Variants in TNIP3 observed in about 807,000 individuals in gnomAD.
TNIP3 encodes TNFAIP3 interacting protein 3.
TNIP3 carries 34 observed loss-of-function variants against 54.1 expected under a neutral mutation model. That is an observed-to-expected ratio of 0.63 (90% CI 0.48 to 0.84). The LOEUF (loss-of-function observed/expected upper bound fraction) is 0.84. Ranked by LOEUF, TNIP3 falls within the 40% of genes least tolerant of loss-of-function variation. The pLI, the probability that TNIP3 is intolerant of heterozygous loss-of-function variation, is 0.00. For missense variants in TNIP3, 366 were observed against 387.6 expected, an observed-to-expected ratio of 0.94 and a Z score of 0.47; for synonymous variants, 134 against 136.8, an observed-to-expected ratio of 0.98 and a Z score of 0.14.
At chr4:121,162,815 A>G (rs1730532486) in intron 1 of TNIP3, among the ~76,000 whole-genome samples, 1 of 152,144 alleles carries the variant, frequency 6.6e-6, no homozygotes. Context: ...GATTCATACT[A>G]AAGTTCAATA....
chr4:121,227,414 T>G (rs1302294565), exon 1 of TNIP3: 1 of 1,534,466 alleles, frequency 6.5e-7, no homozygotes, highest in Admixed American at 2.0e-5. Context: ...CCTTCTCAGA[T>G]CTAGGTAAGC....
upstream of TNIP3, among the ~76,000 whole-genome samples, chr4:121,217,643 G>A (rs146249785): frequency 2.6e-3 from 403 of 152,286 alleles, no homozygotes; most frequent in Non-Finnish European, 4.0e-3. Context: ...TATATGGAAC[G>A]CTGGAGATAT....
At chr4:121,187,792 CTA>C (rs1725100578) in intron 2 of TNIP3, among the ~76,000 whole-genome samples, 1 of 152,106 alleles carries the variant, frequency 6.6e-6, no homozygotes, top group South Asian at 2.1e-4. Context: ...AATATGTGTG[CTA>C]TGTGTTTATC....
In TNIP3 at chr4:121,132,529, G is replaced by A; in HGVS notation, c.*102C>T. 1 of 1,088,154 alleles carries A rather than the reference G, an allele frequency of 9.2e-7. No individual in the cohort carries two copies. The highest frequency in any genetic ancestry group is 1.4e-6 in the Non-Finnish European group (1 of 715,068). 67.4% of individuals were successfully genotyped at this position (1,088,154 alleles called of 1,614,324 possible). A position where few individuals can be genotyped will look rare whatever the true frequency, so the allele number is the denominator to read the frequency against. On this transcript the variant is annotated 3_prime_UTR_variant, in exon 11 of 11. Coordinates refer to ENST00000057513, the MANE Select transcript of TNIP3 (RefSeq NM_024873.6). ...ACCAGGCACAAATAACAGGGTAGAT[G>A]ATGTGCCTTTGTGGCAGAAACAAGC...
At chr4:121,172,790 C>T (rs1366484166) in intron 3 of TNIP3, among the ~76,000 whole-genome samples, 1 of 152,040 alleles carries the variant, frequency 6.6e-6, no homozygotes, top group Non-Finnish European at 1.5e-5. Flanking sequence ...TATAAATTGC[C>T]TGAGAAAACA....
chr4:121,213,596 G>A (rs1392600193), intron 2 of TNIP3, among the ~76,000 whole-genome samples: 8 of 151,674 alleles, frequency 5.3e-5, no homozygotes, highest in East Asian at 1.9e-4. Flanking sequence ...GCGTGGTGGC[G>A]GGCGCCTGTA....
At chr4:121,194,307 TAA>T (rs1240506584) in intron 2 of TNIP3, among the ~76,000 whole-genome samples, 1 of 152,230 alleles carries the variant, frequency 6.6e-6, no homozygotes, top group Non-Finnish European at 1.5e-5. Context: ...AATTTTTTGA[TAA>T]GTTTAAAATT....
chr4:121,152,343 C>G (rs1729811069), intron 5 of TNIP3, among the ~76,000 whole-genome samples: 2 of 152,108 alleles, frequency 1.3e-5, no homozygotes, highest in South Asian at 4.2e-4. Context: ...CAAAACCCAT[C>G]TTAAATAAGA....
At chr4:121,187,128 A>T (rs183346741) in intron 2 of TNIP3, among the ~76,000 whole-genome samples, 1 of 152,180 alleles carries the variant, frequency 6.6e-6, no homozygotes, top group African/African-American at 2.4e-5. Context: ...TCTTGAGATC[A>T]CTTAATAATT....
At chr4:121,200,954 G>C (rs1725850367) in intron 2 of TNIP3, among the ~76,000 whole-genome samples, 3 of 152,134 alleles carry the variant, frequency 2.0e-5, no homozygotes. Context: ...TGCTTGGTGA[G>C]AGTGAAAGTA....
intron 2 of TNIP3, among the ~76,000 whole-genome samples, chr4:121,186,979 ATATGT>A (rs779110737): frequency 1.3e-5 from 2 of 152,228 alleles, no homozygotes; most frequent in Admixed American, 6.5e-5. Context: ...AGTGAAATCA[ATATGT>A]TTCATAAATT....
intron 2 of TNIP3, among the ~76,000 whole-genome samples, chr4:121,216,236 A>C (rs1252875884): frequency 1.3e-5 from 2 of 152,202 alleles, no homozygotes; most frequent in East Asian, 3.8e-4. Flanking sequence ...ATAAAAGAAA[A>C]TATGTTCAGA....
At chr4:121,173,208 C>T (rs547282730) in intron 3 of TNIP3, among the ~76,000 whole-genome samples, 2 of 152,100 alleles carry the variant, frequency 1.3e-5, no homozygotes, top group African/African-American at 2.4e-5. Context: ...GGAAAAGCAT[C>T]GCAGGAGCCT....
At chr4:121,165,710 CTTG>C (rs1201689939), upstream of TNIP3, among the ~76,000 whole-genome samples, 5 of 150,174 alleles carry the variant, frequency 3.3e-5, no homozygotes, top group South Asian at 8.4e-4. Context: ...CTTCTGGTTT[CTTG>C]TTATGTTTGG....
intron 3 of TNIP3, among the ~76,000 whole-genome samples, chr4:121,174,770 C>G (rs552196732): frequency 1.8e-4 from 27 of 152,282 alleles, no homozygotes; most frequent in Admixed American, 1.6e-3. Context: ...GCCTCACTCT[C>G]CCCACAAGTA....
intron 2 of TNIP3, among the ~76,000 whole-genome samples, chr4:121,188,272 A>G (rs1290229602): frequency 6.6e-6 from 1 of 152,144 alleles, no homozygotes; most frequent in Non-Finnish European, 1.5e-5. Context: ...GATGTTATCA[A>G]TAGGATAGTA....
upstream of TNIP3, among the ~76,000 whole-genome samples, chr4:121,217,522 G>A (rs554686097): frequency 1.9e-4 from 29 of 152,230 alleles, no homozygotes; most frequent in South Asian, 6.0e-3. Flanking sequence ...CACCATGGTA[G>A]CCAGTTACTA....
intron 2 of TNIP3, among the ~76,000 whole-genome samples, chr4:121,188,240 G>A (rs1725123008): frequency 6.6e-6 from 1 of 151,718 alleles, no homozygotes; most frequent in African/African-American, 2.4e-5. Flanking sequence ...AAATTAAATA[G>A]AAATGATATT....
intron 9 of TNIP3, among the ~76,000 whole-genome samples, chr4:121,139,080 G>C (rs1341222738): frequency 1.3e-5 from 2 of 152,060 alleles, no homozygotes; most frequent in South Asian, 2.1e-4. Flanking sequence ...GAGAAGGCCA[G>C]GAAAAAAAGT....
Sources: gnomAD v4.1 joint callset for allele counts (sites outside exome capture counted in the v4.1 genomes callset) on GRCh38, gnomAD v4.1.1 for gene constraint, MANE v1.5 for transcripts, NCBI Gene and HGNC (gene_info 2026-07-23, HGNC 2026-07-21) for gene names.